The following MUC5AC variants were observed in gnomAD, a reference collection of about 807,000 sequenced individuals.
MUC5AC encodes the protein mucin-5AC.
Under a neutral mutation model 169.7 loss-of-function variants are expected in MUC5AC, and 158 were observed. That is an observed-to-expected ratio of 0.93 (90% CI 0.82 to 1.06). MUC5AC has a LOEUF of 1.06. Among genes scored for constraint, MUC5AC ranks in the 50% least tolerant of loss-of-function variants. The pLI is 0.00. For missense variants in MUC5AC, 4,359 were observed against 3,089.9 expected (o/e 1.41, Z -9.74); for synonymous variants, 1,975 against 1,237.0 (o/e 1.60, Z -12.52).
In MUC5AC at chr11:1,185,902, C is replaced by G; in HGVS notation, c.7757C>G (p.Thr2586Ser). ...PTTSTTSAPT[T>S]STTSGPGTTP... ...ACGAGCACAACCTCTGCTCCTACAA[C>G]CAGCACAACCTCTGGTCCTGGAACT... Residue 2586 changes from threonine to serine, a missense_variant, in exon 31 of 49, where the codon ACC becomes AGC. Transcript: ENST00000621226. 1.3e-6 allele frequency: 1 copy of G among 747,518 alleles called. No individual in the cohort carries two copies. The highest frequency in any genetic ancestry group is 2.4e-6 in the Non-Finnish European group (1 of 409,332). The allele number at this position is 747,518 out of a possible 1,614,324, so 46.3% of individuals were successfully genotyped here. A position where few individuals can be genotyped will look rare whatever the true frequency, so the allele number is the denominator to read the frequency against.
At chr11:1,165,217 C>G in intron 9 of MUC5AC, 85 bp from the exon 10 acceptor site, 1 of 1,302,756 alleles carries the variant, frequency 7.7e-7, no homozygotes, top group Non-Finnish European at 1.1e-6. Flanking sequence ...CCCCAGCTCG[C>G]TGTGGGGCCG....
At chr11:1,175,455 C>T in intron 19 of MUC5AC, among the ~76,000 whole-genome samples, 185 bp downstream of exon 19, 1 of 149,368 alleles carries the variant, frequency 6.7e-6, no homozygotes, top group East Asian at 2.0e-4. Context: ...GGGTGTGGGG[C>T]GCACATATGA....
Position 1,161,642 on chromosome 11 carries a change from C to T in MUC5AC, c.211+56C>T, listed in dbSNP as rs1001460805. ...AGGGTCATAGCTTTGCTGAGCTCCCCGCTCAGGCCTGGAGGTGCCGGGTGG... is the reference window on the plus strand; with the variant it reads ...AGGGTCATAGCTTTGCTGAGCTCCCTGCTCAGGCCTGGAGGTGCCGGGTGG... On this transcript the variant is annotated intron_variant, in intron 3 of 48. Transcript: ENST00000621226. The T allele has an allele frequency of 7.5e-5, 117 of 1,553,542 alleles. No homozygotes were observed. In the African/African-American group the frequency reaches 1.3e-3, roughly 17 times the overall value.
rs1327996736 is a variant in MUC5AC at position 1,187,127 on chromosome 11, A to G, written c.8982A>G (p.Thr2994=). 7 of 499,018 alleles carry G rather than the reference A, an allele frequency of 1.4e-5. No homozygotes were observed. In the African/African-American group the frequency reaches 2.5e-4, roughly 18 times the overall value. The allele number at this position is 499,018 out of a possible 1,614,324, so 30.9% of individuals were successfully genotyped here. Residue 2994 remains threonine, a synonymous_variant, in exon 31 of 49, where the codon ACA becomes ACG. Transcript: ENST00000621226. ...PTTSTTSAPT[T]STTSAPTTST... ...CCAGCACAACCTCTGCTCCCACAAC[A>G]AGCACAACCTCTGCCCCTACAACCA...
intron 4 of MUC5AC, 146 bp downstream of exon 4, chr11:1,162,314 C>T: frequency 7.6e-7 from 1 of 1,320,940 alleles, no homozygotes; most frequent in Non-Finnish European, 1.0e-6. Context: ...CTCCCTCGTC[C>T]CCCGAGTGGC....
At chr11:1,166,478 A>T (rs1168879605) in intron 11 of MUC5AC, among the ~76,000 whole-genome samples, 5 of 126,960 alleles carry the variant, frequency 3.9e-5, no homozygotes. Flanking sequence ...TACACCCAAC[A>T]CACAGTCTCT....
rs138604853 is a variant in MUC5AC at position 1,160,348 on chromosome 11, C to T, written c.74-264C>T. 2.7e-3 allele frequency among the ~76,000 whole-genome samples: 409 copies of T among 152,160 alleles called. 1 individual carries two copies. Among genetic ancestry groups the T allele is most frequent in the African/African-American group, 9.1e-3 (379 of 41,508 alleles). ...GAATGAATAGATAGGGATGCCAGAT[C>T]GGGGCGAAGGGTCCTGACGCCACCT... On this transcript the variant is annotated intron_variant, in intron 1 of 48. Coordinates refer to ENST00000621226, the MANE Select transcript of MUC5AC (RefSeq NM_001304359.2).
At chr11:1,162,900 C>T (rs1242656645) in intron 5 of MUC5AC, 55 bp from the exon 6 acceptor site, 7 of 1,523,638 alleles carry the variant, frequency 4.6e-6, no homozygotes, top group Non-Finnish European at 6.4e-6. Flanking sequence ...GCTCGAGCCT[C>T]ATCTGTCCAT....
In MUC5AC at chr11:1,188,801, G is replaced by C; in HGVS notation, c.10656G>C (p.Arg3552Ser). The C allele has an allele frequency of 2.7e-6, 2 of 754,242 alleles. No homozygotes were observed. Among genetic ancestry groups the C allele is most frequent in the Non-Finnish European group, 4.9e-6 (2 of 411,830 alleles). 46.7% of individuals were successfully genotyped at this position (754,242 alleles called of 1,614,324 possible). A position where few individuals can be genotyped will look rare whatever the true frequency, so the allele number is the denominator to read the frequency against. Residue 3552 changes from arginine (R) to serine (S), a missense_variant, in exon 31 of 49, where the codon AGG becomes AGC. Transcript: ENST00000621226. ...GDKETYNNII[R>S]SGEKICRRPE... is the part of the protein sequence containing the mutation. ...AGGAAACCTACAACAACATCATCAG[G>C]AGTGGGGAAAAAATCTGCCGCCGAC...
At chr11:1,162,281 G>A (rs992582229) in intron 4 of MUC5AC, 113 bp downstream of exon 4, 2 of 1,470,070 alleles carry the variant, frequency 1.4e-6, no homozygotes, top group Non-Finnish European at 1.8e-6. Flanking sequence ...GGAAGCCCCT[G>A]AGAGCAGAGC....
In MUC5AC at chr11:1,164,295, GA is replaced by G; in HGVS notation, c.980del (p.Asp327AlafsTer134). The G allele has an allele frequency of 5.6e-6, 9 of 1,612,370 alleles. No homozygotes were observed. Among genetic ancestry groups the G allele is most frequent in the Non-Finnish European group, 7.6e-6 (9 of 1,179,848 alleles). ...CACCCATGCAGGGGGGTTGCCCCAG[GA>G]CTGGCGGGGCCCTGACTTCTGCCGT... ...QCTHAGGLPQDWRGPDFCPQK... is the reference protein window; with the variant it reads ...QCTHAGGLPQXWRGPDFCPQK... On this transcript the variant is annotated frameshift_variant, in exon 8 of 49. Coordinates refer to ENST00000621226, the MANE Select transcript of MUC5AC (RefSeq NM_001304359.2). LOFTEE classifies it high-confidence loss of function.
At chr11:1,171,147 A>G (rs1860508871) in intron 15 of MUC5AC, among the ~76,000 whole-genome samples, 1 of 145,820 alleles carries the variant, frequency 6.9e-6, no homozygotes, top group Non-Finnish European at 1.5e-5. Flanking sequence ...TCACTCACCC[A>G]CTCACCCACT....
chr11:1,170,342 A>G (rs1860467526), intron 15 of MUC5AC, among the ~76,000 whole-genome samples: 1 of 93,688 alleles, frequency 1.1e-5, no homozygotes, highest in Non-Finnish European at 2.1e-5. Flanking sequence ...CCATTCACTC[A>G]CCCATTTGCC....
Position 1,178,507 on chromosome 11 carries a change from A to G in MUC5AC, c.3151A>G (p.Ser1051Gly). ...CGCCGTTAATGACTTTGCCACGCGG[A>G]GCCGGTCTGTGGTGGGGGACGTGCT... ...DIAVNDFATR[S>G]RSVVGDVLEF... Residue 1051 changes from serine to glycine, a missense_variant, in exon 25 of 49, where the codon AGC becomes GGC. By Grantham distance (56) the Ser-to-Gly change is moderately conservative. Coordinates refer to ENST00000621226, the MANE Select transcript of MUC5AC (RefSeq NM_001304359.2). 1 of 1,198,498 alleles carries G rather than the reference A, an allele frequency of 8.3e-7. No individual in the cohort carries two copies. The allele number at this position is 1,198,498 out of a possible 1,614,324, so 74.2% of individuals were successfully genotyped here. A position where few individuals can be genotyped will look rare whatever the true frequency, so the allele number is the denominator to read the frequency against.
rs1171073113 is a variant in MUC5AC at position 1,190,290 on chromosome 11, C to T, written c.12145C>T (p.Leu4049Phe). 2.1e-4 allele frequency: 149 copies of T among 703,132 alleles called. No individual in the cohort carries two copies. The East Asian group carries it at 3.7e-3, about 18-fold the overall frequency. The allele number at this position is 703,132 out of a possible 1,614,324, so 43.6% of individuals were successfully genotyped here. A position where few individuals can be genotyped will look rare whatever the true frequency, so the allele number is the denominator to read the frequency against. ...KMCLNYEVRVLCCETPKGCPV... is the reference protein window; with the variant it reads ...KMCLNYEVRVFCCETPKGCPV... ...GTGCCTCAACTACGAGGTGCGTGTGCTCTGCTGCGAGACCCCCAAAGGCTG... is the reference window on the plus strand; with the variant it reads ...GTGCCTCAACTACGAGGTGCGTGTGTTCTGCTGCGAGACCCCCAAAGGCTG... Residue 4049 changes from leucine to phenylalanine, a missense_variant, in exon 31 of 49, where the codon CTC (leucine) becomes TTC (phenylalanine). Leu to Phe is a conservative substitution (Grantham distance 22). Coordinates refer to ENST00000621226, the MANE Select transcript of MUC5AC (RefSeq NM_001304359.2).
Position 1,189,922 on chromosome 11 carries a change from G to C in MUC5AC, c.11777G>C (p.Ser3926Thr), listed in dbSNP as rs1333010323. 47 of 765,016 alleles carry C rather than the reference G, an allele frequency of 6.1e-5. No individual in the cohort carries two copies. Among genetic ancestry groups the C allele is most frequent in the Admixed American group, 3.1e-4 (18 of 59,002 alleles). 47.4% of individuals were successfully genotyped at this position (765,016 alleles called of 1,614,324 possible). Reference sequence around the variant, plus strand: ...ACTCCCAGCCCCGTTCCCACCACCAGCACAGCCTCTGTTTCAAAGACCAGC... The same window carrying C: ...ACTCCCAGCCCCGTTCCCACCACCACCACAGCCTCTGTTTCAAAGACCAGC... ...GTTPSPVPTT[S>T]TASVSKTSTS... Residue 3926 changes from serine (S) to threonine (T), a missense_variant, in exon 31 of 49, where the codon AGC becomes ACC. Ser to Thr is a moderately conservative substitution (Grantham distance 58). Transcript: ENST00000621226.
Position 1,176,908 on chromosome 11 carries a change from G to A in MUC5AC, c.2655-20G>A. ...AGGCACCCTGTGTGTGCTCTAGCCTGACCCCCAGATGTCCCCCAGCACCTG... is the reference window on the plus strand; with the variant it reads ...AGGCACCCTGTGTGTGCTCTAGCCTAACCCCCAGATGTCCCCCAGCACCTG... On this transcript the variant is annotated intron_variant, in intron 21 of 48. Coordinates refer to ENST00000621226, the MANE Select transcript of MUC5AC (RefSeq NM_001304359.2). 2.5e-6 allele frequency: 1 copy of A among 398,828 alleles called. No individual in the cohort carries two copies. Among genetic ancestry groups the A allele is most frequent in the Non-Finnish European group, 4.4e-6 (1 of 226,216 alleles). The allele number at this position is 398,828 out of a possible 1,614,324, so 24.7% of individuals were successfully genotyped here. A position where few individuals can be genotyped will look rare whatever the true frequency, so the allele number is the denominator to read the frequency against.
At chr11:1,161,433 T>C in intron 2 of MUC5AC, 94 bp from the exon 3 acceptor site, 1 of 1,039,220 alleles carries the variant, frequency 9.6e-7, no homozygotes, top group South Asian at 2.0e-5. Flanking sequence ...AGCCAGGAGC[T>C]GGGACCTGCT....
At chr11:1,158,178 C>A in intron 1 of MUC5AC, 106 bp downstream of exon 1, 1 of 1,007,720 alleles carries the variant, frequency 9.9e-7, no homozygotes, top group Non-Finnish European at 1.4e-6. Context: ...CTGCATGTGC[C>A]ATGAACGGCT....
Sources: allele counts gnomAD v4.1 joint callset (sites outside exome capture counted in the v4.1 genomes callset), GRCh38; gene constraint gnomAD v4.1.1; transcripts MANE v1.5; gene names NCBI Gene and HGNC (gene_info 2026-07-23, HGNC 2026-07-21).